MEI1: variants seen among roughly 807,000 people sequenced by gnomAD.
MEI1 encodes meiosis inhibitor protein 1.
Under a neutral mutation model 146.2 loss-of-function variants are expected in MEI1, and 103 were observed. The ratio of observed to expected loss-of-function variants is 0.70; its 90% CI spans 0.60 to 0.83. MEI1 has a LOEUF of 0.83. Ranked by LOEUF, MEI1 falls within the 40% of genes least tolerant of loss-of-function variation. MEI1 has a pLI of 0.00. For missense variants in MEI1, 1,529 were observed against 1,533.0 expected, an observed-to-expected ratio of 1.00 and a Z score of 0.04; for synonymous variants, 652 against 628.2, an observed-to-expected ratio of 1.04 and a Z score of -0.57.
chr22:41,788,226 AC>A, intron 26 of MEI1, among the ~76,000 whole-genome samples: 1 of 151,934 alleles, frequency 6.6e-6, no homozygotes, highest in East Asian at 1.9e-4. Context: ...ATGAGGTTTC[AC>A]CATGTTGGCC....
intron 15 of MEI1, among the ~76,000 whole-genome samples, chr22:41,748,465 C>T (rs1453909843): frequency 6.6e-6 from 1 of 152,108 alleles, no homozygotes; most frequent in Admixed American, 6.5e-5. Context: ...GGGAGGATCA[C>T]CTGAGGCTAG....
Position 41,724,064 on chromosome 22 carries a change from G to T in MEI1, c.855G>T (p.Val285=). Residue 285 remains valine (V), a synonymous_variant, in exon 7 of 31, where the codon GTG becomes GTT. Transcript: ENST00000401548. ...GSSGNTSLPL[V]LKKLLLSRDE... Reference sequence around the variant, plus strand: ...CAGGAAATACCTCACTGCCTTTGGTGCTCAAAAAGGTAGTTGTCTTGTGAT... The same window carrying T: ...CAGGAAATACCTCACTGCCTTTGGTTCTCAAAAAGGTAGTTGTCTTGTGAT... 2.5e-6 allele frequency: 4 copies of T among 1,613,844 alleles called. No individual in the cohort carries two copies. The highest frequency in any genetic ancestry group is 3.4e-6 in the Non-Finnish European group (4 of 1,179,818).
In MEI1 at chr22:41,798,802, A is replaced by T. The variant is rs373880368; in HGVS notation, c.3780-452A>T. ...ACAATCACTTGAACCTGGGAGGTGG[A>T]GATTGCAGTGACCAGAGAGCCGAGA... On this transcript the variant is annotated intron_variant, in intron 30 of 30. Coordinates refer to ENST00000401548, the MANE Select transcript of MEI1 (RefSeq NM_152513.4). 2.7e-5 allele frequency among the ~76,000 whole-genome samples: 4 copies of T among 150,418 alleles called. No individual in the cohort carries two copies. In the East Asian group the frequency reaches 7.9e-4, roughly 30 times the overall value.
chr22:41,779,958 T>C (rs886208894), intron 22 of MEI1, among the ~76,000 whole-genome samples: 1 of 152,196 alleles, frequency 6.6e-6, no homozygotes, highest in Non-Finnish European at 1.5e-5. Flanking sequence ...CCCCAGCTCC[T>C]GTAGCCACAG....
At chr22:41,738,415 C>T (rs1365200285) in intron 11 of MEI1, among the ~76,000 whole-genome samples, 4 of 152,094 alleles carry the variant, frequency 2.6e-5, no homozygotes, top group South Asian at 2.1e-4. Context: ...GGTTCATCCC[C>T]GTTTCTACTA....
Position 41,752,629 on chromosome 22 carries a change from G to A in MEI1, c.1831G>A (p.Ala611Thr), listed in dbSNP as rs199852847. 44 of 1,598,790 alleles carry A rather than the reference G, an allele frequency of 2.8e-5. No homozygotes were observed. In the African/African-American group the frequency reaches 4.4e-4, roughly 16 times the overall value. ...SFIRLTLELK[A>T]RFCSGLSHSA... is the part of the protein sequence containing the mutation. ...CATACGACTGACCCTGGAGCTGAAG[G>A]CCAGGTTTTGCAGTGGTCTGAGGTA... The change falls in exon 16 of 31, where the codon GCC (alanine) becomes ACC (threonine). Residue 611 changes from alanine to threonine, a missense_variant. This residue lies in a region of MEI1 where 1,212 missense variants were observed against 1,178.9 expected (regional missense o/e 1.03). Coordinates refer to ENST00000401548, the MANE Select transcript of MEI1 (RefSeq NM_152513.4).
intron 20 of MEI1, among the ~76,000 whole-genome samples, chr22:41,774,877 C>G (rs1014374938): frequency 6.6e-6 from 1 of 152,140 alleles, no homozygotes; most frequent in Non-Finnish European, 1.5e-5. Flanking sequence ...TTCTGAGAGC[C>G]AAACTTAGAC....
chr22:41,745,065 G>T lies in MEI1; in HGVS notation c.1538+1G>T. 1 of 1,540,828 alleles carries T rather than the reference G, an allele frequency of 6.5e-7. No individual in the cohort carries two copies. Among genetic ancestry groups the T allele is most frequent in the Non-Finnish European group, 8.8e-7 (1 of 1,141,856 alleles). On this transcript the variant is annotated splice_donor_variant, in intron 13 of 30. Transcript: ENST00000401548. LOFTEE classifies it high-confidence loss of function. ...TGGAGGGATTTAGAAGTGCCTGCAGGTGAGGGGCCCTCTGAGGTATGAAGT... is the reference window on the plus strand; with the variant it reads ...TGGAGGGATTTAGAAGTGCCTGCAGTTGAGGGGCCCTCTGAGGTATGAAGT...
intron 6 of MEI1, among the ~76,000 whole-genome samples, chr22:41,719,035 TG>T (rs2070487113): frequency 6.8e-6 from 1 of 147,574 alleles, no homozygotes; most frequent in African/African-American, 2.5e-5. Context: ...CAGGCCGGAC[TG>T]CAGTGGCGCA....
chr22:41,735,031 G>A (rs558039523), intron 11 of MEI1, among the ~76,000 whole-genome samples: 1 of 151,240 alleles, frequency 6.6e-6, no homozygotes, highest in East Asian at 2.0e-4. Flanking sequence ...GCGTGATCTT[G>A]GCTCACTGCA....
chr22:41,740,596 G>C (rs115619985), intron 11 of MEI1, among the ~76,000 whole-genome samples: 1,787 of 152,168 alleles, frequency 0.012, 38 homozygotes, highest in African/African-American at 0.041. Context: ...ATCCAAGCTT[G>C]GTGTATGCCT....
chr22:41,736,558 A>T (rs1011091514), intron 11 of MEI1, among the ~76,000 whole-genome samples: 25 of 151,408 alleles, frequency 1.7e-4, no homozygotes, highest in Admixed American at 7.3e-4. Context: ...TGGCCAAAAA[A>T]TTTTTTTTTA....
In MEI1 at chr22:41,793,868, G is replaced by T. The variant is rs1463052924; in HGVS notation, c.3385G>T (p.Glu1129Ter). ...GTCCCAGGCCTGTGTTGGCTGCCTG[G>T]AGGCCTTGCTTGACTACCTGGATGC... ...LLSQACVGCL[E>*]ALLDYLDARS... The change falls in exon 27 of 31, where the codon GAG becomes TAG. Residue 1129 changes from glutamate (E) to a stop codon, truncating the protein, a stop_gained. Transcript: ENST00000401548. LOFTEE classifies it high-confidence loss of function. The T allele has an allele frequency of 6.2e-7, 1 of 1,612,646 alleles. No homozygotes were observed. Among genetic ancestry groups the T allele is most frequent in the Non-Finnish European group, 8.5e-7 (1 of 1,179,642 alleles).
intron 17 of MEI1, among the ~76,000 whole-genome samples, chr22:41,757,519 G>A (rs746311277): frequency 2.6e-5 from 4 of 151,870 alleles, no homozygotes; most frequent in East Asian, 1.9e-4. Context: ...CATCATAGCC[G>A]GCTAATTTTT....
intron 6 of MEI1, among the ~76,000 whole-genome samples, chr22:41,719,167 A>G (rs2070503692): frequency 1.3e-5 from 2 of 151,660 alleles, no homozygotes; most frequent in Non-Finnish European, 2.9e-5. Context: ...TATTTTTAGG[A>G]GAGACGGGGT....
At chr22:41,736,422 T>C (rs2072375761) in intron 11 of MEI1, among the ~76,000 whole-genome samples, 1 of 151,674 alleles carries the variant, frequency 6.6e-6, no homozygotes, top group Non-Finnish European at 1.5e-5. Flanking sequence ...GCTAATTTTG[T>C]TTTTGTATTT....
intron 26 of MEI1, among the ~76,000 whole-genome samples, chr22:41,792,938 G>A (rs538268785): frequency 3.5e-5 from 5 of 141,030 alleles, no homozygotes; most frequent in African/African-American, 1.3e-4. Context: ...AAAAAAGGTT[G>A]AAACCCACTG....
intron 26 of MEI1, among the ~76,000 whole-genome samples, chr22:41,790,076 T>G (rs79121134): frequency 3.3e-5 from 5 of 152,108 alleles, no homozygotes; most frequent in Non-Finnish European, 7.4e-5. Flanking sequence ...AAAACTAGTT[T>G]GTTTGTTTTT....
At chr22:41,797,447 A>G (rs1471453070) in intron 30 of MEI1, among the ~76,000 whole-genome samples, 4 of 152,208 alleles carry the variant, frequency 2.6e-5, no homozygotes, top group Middle Eastern at 3.4e-3. Flanking sequence ...CCCTGTCTCT[A>G]CTAAAAATAC....
Sources: allele counts gnomAD v4.1 joint callset (sites outside exome capture counted in the v4.1 genomes callset), GRCh38; gene constraint gnomAD v4.1.1; regional missense constraint gnomAD v4.1.1; transcripts MANE v1.5; gene names NCBI Gene and HGNC (gene_info 2026-07-23, HGNC 2026-07-21).